The following MVB12B variants were observed in gnomAD, a reference collection of about 807,000 sequenced individuals.
The protein encoded by MVB12B is ESCRT-I complex subunit MVB12B.
MVB12B carries 16 observed loss-of-function variants against 41.6 expected under a neutral mutation model. The observed-to-expected ratio is 0.38, with a 90% CI of 0.26 to 0.58. MVB12B has a LOEUF of 0.58. Among genes scored for constraint, MVB12B ranks in the 20% least tolerant of loss-of-function variants. The pLI is 0.62. For synonymous variants in MVB12B, 133 were observed against 139.7 expected (o/e 0.95, Z 0.34); for missense variants, 274 against 380.2 (o/e 0.72, Z 2.32).
intron 5 of MVB12B, among the ~76,000 whole-genome samples, chr9:126,394,647 G>A (rs1461432226): frequency 6.6e-6 from 1 of 152,220 alleles, no homozygotes; most frequent in Non-Finnish European, 1.5e-5. Flanking sequence ...TCCAAAGCCT[G>A]GCAGCTGGAG....
At chr9:126,418,175 G>C (rs1356595061) in intron 6 of MVB12B, among the ~76,000 whole-genome samples, 2 of 151,172 alleles carry the variant, frequency 1.3e-5, no homozygotes, top group African/African-American at 4.9e-5. Flanking sequence ...GGGGTGGGGG[G>C]TGGTGGGCAG....
chr9:126,499,417 CTTTTTAATTGAAAATTTT>C (rs1833905548), intron 9 of MVB12B, among the ~76,000 whole-genome samples: 1 of 152,170 alleles, frequency 6.6e-6, no homozygotes, highest in African/African-American at 2.4e-5. Flanking sequence ...GGACCAAATG[CTTTTTAATTGAAAATTTT>C]TTTAATTCAA....
chr9:126,351,637 G>A (rs918774946), intron 2 of MVB12B, among the ~76,000 whole-genome samples: 2 of 152,036 alleles, frequency 1.3e-5, no homozygotes, highest in Non-Finnish European at 2.9e-5. Context: ...TAACAGGCAT[G>A]TGCCACCATG....
Position 126,421,926 on chromosome 9 carries a change from C to T in MVB12B, c.735C>T (p.His245=), listed in dbSNP as rs1424843189. The T allele has an allele frequency of 2.5e-6, 4 of 1,613,936 alleles. 1 individual carries two copies. Among genetic ancestry groups the T allele is most frequent in the Middle Eastern group, 1.6e-4 (1 of 6,062 alleles). Residue 245 remains histidine, a synonymous_variant, in exon 7 of 10, where the codon CAC becomes CAT. Transcript: ENST00000361171. ...CCCGGACGGACTACGAGTACCAGCA[C>T]TCCAATTTGTATGCCATATCAGGTA... ...NSTRTDYEYQ[H]SNLYAISAMD...
rs1354687217 is a variant in MVB12B, at chr9:126,367,676, C to A, written c.205-13388C>A. Among the ~76,000 whole-genome samples, 1 of 152,238 alleles carries A rather than the reference C, an allele frequency of 6.6e-6. No individual in the cohort carries two copies. The highest frequency in any genetic ancestry group is 1.9e-4 in the East Asian group (1 of 5,194). ...CTTCTGATGACACCAAATATCCATACTGTGTCTGCCCCTGCACTAGTTGCT... is the reference window on the plus strand; with the variant it reads ...CTTCTGATGACACCAAATATCCATAATGTGTCTGCCCCTGCACTAGTTGCT... On this transcript the variant is annotated intron_variant, in intron 2 of 9. Coordinates refer to ENST00000361171, the MANE Select transcript of MVB12B (RefSeq NM_033446.3). The surrounding 1 kb of genome is among the most constrained non-coding windows in gnomAD (Gnocchi z 4.3).
At chr9:126,431,710 C>G (rs1832337312) in intron 7 of MVB12B, among the ~76,000 whole-genome samples, 1 of 152,270 alleles carries the variant, frequency 6.6e-6, no homozygotes, top group East Asian at 1.9e-4. Context: ...GTGGTCCAGG[C>G]AGCCGAGGGC....
At chr9:126,497,379 A>G (rs1260479852) in intron 9 of MVB12B, among the ~76,000 whole-genome samples, 1 of 152,012 alleles carries the variant, frequency 6.6e-6, no homozygotes, top group Non-Finnish European at 1.5e-5. Flanking sequence ...GGGAGCCCTC[A>G]CCCACCCCTC....
At chr9:126,417,339 G>T (rs557741083) in intron 6 of MVB12B, among the ~76,000 whole-genome samples, 1 of 152,312 alleles carries the variant, frequency 6.6e-6, no homozygotes, top group Admixed American at 6.5e-5. Context: ...TTTCACATTT[G>T]CTGCATCAGG....
chr9:126,482,921 G>C (rs1032212965), intron 8 of MVB12B, among the ~76,000 whole-genome samples: 1 of 152,250 alleles, frequency 6.6e-6, no homozygotes, highest in Non-Finnish European at 1.5e-5. Context: ...TTTAATGGAC[G>C]AGGGAATGAG....
chr9:126,445,940 T>C (rs1351626804), intron 7 of MVB12B, among the ~76,000 whole-genome samples: 1 of 152,244 alleles, frequency 6.6e-6, no homozygotes, highest in Non-Finnish European at 1.5e-5. Flanking sequence ...TTTGATAACA[T>C]TTATACACCA....
chr9:126,347,210 G>A (rs1462071211), intron 2 of MVB12B, among the ~76,000 whole-genome samples: 1 of 152,258 alleles, frequency 6.6e-6, no homozygotes, highest in African/African-American at 2.4e-5. Context: ...CCAGAGCCCA[G>A]TCTGAGAGGG....
intron 2 of MVB12B, among the ~76,000 whole-genome samples, chr9:126,356,784 A>G (rs1206631709): frequency 6.6e-6 from 1 of 151,916 alleles, no homozygotes; most frequent in Non-Finnish European, 1.5e-5. Flanking sequence ...TGATCATTTA[A>G]AACTGTGTGG....
chr9:126,412,409 C>T (rs559249571), intron 6 of MVB12B, among the ~76,000 whole-genome samples: 4 of 152,202 alleles, frequency 2.6e-5, no homozygotes, highest in East Asian at 3.9e-4. Flanking sequence ...TCTGCTGCCC[C>T]CACAATCCAT....
intron 2 of MVB12B, among the ~76,000 whole-genome samples, chr9:126,375,278 G>T (rs1830446200): frequency 7.0e-6 from 1 of 142,226 alleles, no homozygotes; most frequent in Admixed American, 7.0e-5. Flanking sequence ...AATCAGACTT[G>T]TTTCATTCAT....
At chr9:126,372,049 C>T (rs1564294736) in intron 2 of MVB12B, among the ~76,000 whole-genome samples, 1 of 152,172 alleles carries the variant, frequency 6.6e-6, no homozygotes, top group Non-Finnish European at 1.5e-5. Flanking sequence ...ACTCTTCCTG[C>T]CCCCCAGTCC....
At chr9:126,502,966 C>T (rs978834992) in intron 9 of MVB12B, among the ~76,000 whole-genome samples, 3 of 152,348 alleles carry the variant, frequency 2.0e-5, no homozygotes, top group South Asian at 2.1e-4. Context: ...CTGTCACCCC[C>T]GCAGGCGTGT....
chr9:126,479,630 C>T (rs933567474), intron 7 of MVB12B, among the ~76,000 whole-genome samples: 2 of 152,204 alleles, frequency 1.3e-5, no homozygotes, highest in Non-Finnish European at 2.9e-5. Context: ...CTTCCGTCAG[C>T]TCACAGCAGG....
chr9:126,337,361 TTA>T (rs1829312015), intron 1 of MVB12B, among the ~76,000 whole-genome samples: 1 of 152,174 alleles, frequency 6.6e-6, no homozygotes, highest in Non-Finnish European at 1.5e-5. Context: ...TGTAAATTAT[TTA>T]TGAGGGGAAT....
chr9:126,440,542 A>C (rs541491711), intron 7 of MVB12B, among the ~76,000 whole-genome samples: 2 of 152,290 alleles, frequency 1.3e-5, no homozygotes, highest in African/African-American at 2.4e-5. Context: ...CTGCTAATTC[A>C]ACATCAGAAA....
Sources: allele counts gnomAD v4.1 joint callset (sites outside exome capture counted in the v4.1 genomes callset), GRCh38; gene constraint gnomAD v4.1.1; non-coding constraint Gnocchi (gnomAD v3.1); transcripts MANE v1.5; gene names NCBI Gene and HGNC (gene_info 2026-07-23, HGNC 2026-07-21).